The following CCDC180 variants were observed in gnomAD, a reference collection of about 807,000 sequenced individuals.
CCDC180 encodes the protein coiled-coil domain-containing protein 180.
A neutral mutation model predicts 209.2 loss-of-function variants in CCDC180; 154 were observed. The ratio of observed to expected loss-of-function variants is 0.74; its 90% CI spans 0.65 to 0.84. The LOEUF (loss-of-function observed/expected upper bound fraction) is 0.84. Ranked by LOEUF, CCDC180 falls within the 40% of genes least tolerant of loss-of-function variation. The pLI is 0.00. For missense variants in CCDC180, 1,874 were observed against 1,997.3 expected (o/e 0.94, Z 1.18); for synonymous variants, 778 against 749.1 (o/e 1.04, Z -0.63).
At chr9:97,339,379 C>G (rs938919509) in intron 18 of CCDC180, among the ~76,000 whole-genome samples, 2 of 152,090 alleles carry the variant, frequency 1.3e-5, no homozygotes, top group Admixed American at 6.5e-5. Context: ...TCAGCATTTG[C>G]TTGTCTGTAA....
At chr9:97,342,124 C>T (rs558224801) in intron 18 of CCDC180, among the ~76,000 whole-genome samples, 16 of 152,366 alleles carry the variant, frequency 1.1e-4, no homozygotes, top group East Asian at 3.9e-4. Context: ...CGACCCCTTG[C>T]GCTTCCCGGG....
At chr9:97,367,042 T>C (rs1478193669) in intron 31 of CCDC180, among the ~76,000 whole-genome samples, 2 of 152,210 alleles carry the variant, frequency 1.3e-5, no homozygotes, top group Non-Finnish European at 2.9e-5. Flanking sequence ...TTAGTTTATT[T>C]ACAGAGTTAT....
intron 18 of CCDC180, among the ~76,000 whole-genome samples, chr9:97,335,326 C>T (rs1825868638): frequency 6.6e-6 from 1 of 152,172 alleles, no homozygotes; most frequent in Admixed American, 6.5e-5. Context: ...TATCCCTCCC[C>T]CATTCCCCCA....
chr9:97,317,662 C>T (rs958881261), intron 9 of CCDC180, among the ~76,000 whole-genome samples: 2 of 152,122 alleles, frequency 1.3e-5, no homozygotes, highest in African/African-American at 2.4e-5. Context: ...TCTTGGGGAG[C>T]GTGTTTCCTC....
intron 18 of CCDC180, among the ~76,000 whole-genome samples, chr9:97,335,574 A>G (rs888408787): frequency 2.6e-5 from 4 of 152,118 alleles, no homozygotes; most frequent in African/African-American, 9.7e-5. Flanking sequence ...AATCCAGTCT[A>G]TCATTCTGGA....
chr9:97,328,272 G>GA (rs1335338562), intron 16 of CCDC180, 126 bp downstream of exon 16: 1 of 1,063,222 alleles, frequency 9.4e-7, no homozygotes. Context: ...ATCAATGCAA[G>GA]AAGAAAGAAG....
rs1827104280 is a variant in CCDC180 at position 97,371,660 on chromosome 9, A to G, written c.4554A>G (p.Leu1518=). 4 of 1,607,570 alleles carry G rather than the reference A, an allele frequency of 2.5e-6. No homozygotes were observed. The African/African-American group carries it at 5.3e-5, about 21-fold the overall frequency. Residue 1518 remains leucine, a synonymous_variant, in exon 34 of 37, where the codon CTA becomes CTG. Coordinates refer to ENST00000529487, the MANE Select transcript of CCDC180 (RefSeq NM_020893.6). ...TGGCCACCTTCACCGAGAAGTTCCT[A>G]CTGCAGTTGGATGAGGTGGTCACCA... is the stretch of plus-strand genomic sequence containing the variant. The part of the protein sequence containing the change: ...TNLATFTEKF[L]LQLDEVVTID...
Position 97,320,178 on chromosome 9 carries a change from TC to T in CCDC180, c.1135del (p.Leu379SerfsTer4), listed in dbSNP as rs1220582067. 1 of 1,614,156 alleles carries T rather than the reference TC, an allele frequency of 6.2e-7. No individual in the cohort carries two copies. Among genetic ancestry groups the T allele is most frequent in the South Asian group, 1.1e-5 (1 of 91,080 alleles). On this transcript the variant is annotated frameshift_variant, in exon 11 of 37. Coordinates refer to ENST00000529487, the MANE Select transcript of CCDC180 (RefSeq NM_020893.6). LOFTEE classifies it high-confidence loss of function. Reference protein sequence around the residue: ...SKTQLTEWHSSLNSLNKELDT... With the variant: ...SKTQLTEWHSXLNSLNKELDT... The stretch of plus-strand genomic sequence containing the variant: ...AACTCAGCTGACTGAGTGGCATTCT[TC>T]CCTCAACTCCCTGAACAAGGAGCTA...
In CCDC180 at chr9:97,376,988, T is replaced by G. The variant is rs895485056; in HGVS notation, c.*94T>G. The G allele has an allele frequency of 6.4e-6, 9 of 1,414,652 alleles. No individual in the cohort carries two copies. The African/African-American group carries it at 1.3e-4, about 20-fold the overall frequency. The allele number at this position is 1,414,652 out of a possible 1,614,324, so 87.6% of individuals were successfully genotyped here. A position where few individuals can be genotyped will look rare whatever the true frequency, so the allele number is the denominator to read the frequency against. On this transcript the variant is annotated 3_prime_UTR_variant, in exon 37 of 37. Transcript: ENST00000529487. ...TACTTTCCGTCCATCCCTCCCTCCC[T>G]TCATCCCTCCACCCCTGCTCTGTGC...
chr9:97,360,102 G>A lies in CCDC180; in HGVS notation c.3483+1G>A, dbSNP rs376419121. ...GTCCATGACTGAACTGGTCTTTACC[G>A]TAAGGAATGGGATAGGGTGGCAGGA... On this transcript the variant is annotated splice_donor_variant, in intron 26 of 36. Coordinates refer to ENST00000529487, the MANE Select transcript of CCDC180 (RefSeq NM_020893.6). LOFTEE classifies it high-confidence loss of function. The A allele has an allele frequency of 9.4e-5, 151 of 1,613,248 alleles. No individual in the cohort carries two copies. In the Middle Eastern group the frequency reaches 1.2e-3, roughly 12 times the overall value.
chr9:97,350,426 A>C lies in CCDC180; in HGVS notation c.2873A>C (p.Asn958Thr). The C allele has an allele frequency of 6.5e-7, 1 of 1,535,700 alleles. No homozygotes were observed. Among genetic ancestry groups the C allele is most frequent in the Non-Finnish European group, 8.7e-7 (1 of 1,146,938 alleles). Reference sequence around the variant, plus strand: ...TCCCACAGGCTGGTCACTCTCAGCAACACACTGCACCAGGAGTTGCTTAGC... The same window carrying C: ...TCCCACAGGCTGGTCACTCTCAGCACCACACTGCACCAGGAGTTGCTTAGC... ...TRSQKLVTLS[N>T]TLHQELLSYV... The change falls in exon 22 of 37, where the codon AAC (asparagine) becomes ACC (threonine). Residue 958 changes from asparagine (N) to threonine (T), a missense_variant. Physicochemically the swap from Asn to Thr is moderately conservative, Grantham distance 65. Transcript: ENST00000529487.
intron 8 of CCDC180, among the ~76,000 whole-genome samples, chr9:97,316,644 T>G (rs2219663): frequency 0.039 from 5,894 of 152,294 alleles, 347 homozygotes; most frequent in African/African-American, 0.13. Flanking sequence ...GGCCTCATTT[T>G]GCCATTGGGT....
At chr9:97,370,305 T>G (rs544793824) in intron 32 of CCDC180, among the ~76,000 whole-genome samples, 1 of 152,192 alleles carries the variant, frequency 6.6e-6, no homozygotes, top group South Asian at 2.1e-4. Flanking sequence ...CTATAATGGG[T>G]GGGTGTGCTG....
chr9:97,329,581 C>T (rs1825665564), intron 16 of CCDC180, among the ~76,000 whole-genome samples: 1 of 152,214 alleles, frequency 6.6e-6, no homozygotes, highest in Admixed American at 6.5e-5. Context: ...TGCTCCAGAT[C>T]ACTGCCAAAA....
In CCDC180 at chr9:97,375,435, C is replaced by T. The variant is rs544233638; in HGVS notation, c.4707-19C>T. ...GATGAAGACAAGCCTGTGAGATTTT[C>T]ACACATGTTTGTTTGTAGGAAGTGG... is the stretch of plus-strand genomic sequence containing the variant. On this transcript the variant is annotated intron_variant, in intron 35 of 36. Coordinates refer to ENST00000529487, the MANE Select transcript of CCDC180 (RefSeq NM_020893.6). The T allele has an allele frequency of 6.2e-7, 1 of 1,614,040 alleles. No homozygotes were observed. The highest frequency in any genetic ancestry group is 1.3e-5 in the African/African-American group (1 of 75,054).
chr9:97,337,275 A>G (rs1485551217), intron 18 of CCDC180, among the ~76,000 whole-genome samples: 1 of 152,214 alleles, frequency 6.6e-6, no homozygotes, highest in Non-Finnish European at 1.5e-5. Flanking sequence ...GTTTTTGCCC[A>G]TTCAGTATGA....
intron 24 of CCDC180, among the ~76,000 whole-genome samples, chr9:97,355,834 A>G (rs1734326913): frequency 1.3e-5 from 2 of 152,198 alleles, no homozygotes; most frequent in Admixed American, 1.3e-4. Flanking sequence ...CCAGCCAGGT[A>G]GGCGGTGGGG....
chr9:97,359,683 G>A (rs1826694361), intron 25 of CCDC180, among the ~76,000 whole-genome samples: 1 of 152,050 alleles, frequency 6.6e-6, no homozygotes, highest in African/African-American at 2.4e-5. Context: ...CAGATGGGGA[G>A]AACAAGTTGA....
At chr9:97,341,191 G>C (rs1009523603) in intron 18 of CCDC180, among the ~76,000 whole-genome samples, 1 of 152,112 alleles carries the variant, frequency 6.6e-6, no homozygotes, top group Non-Finnish European at 1.5e-5. Context: ...CTTTTGCTTT[G>C]TATCCAATAA....
Sources: gnomAD v4.1 joint callset for allele counts (sites outside exome capture counted in the v4.1 genomes callset) on GRCh38, gnomAD v4.1.1 for gene constraint, MANE v1.5 for transcripts, NCBI Gene and HGNC (gene_info 2026-07-23, HGNC 2026-07-21) for gene names.